Variants in FMNL2 observed in about 807,000 individuals in gnomAD.
FMNL2 encodes formin-like protein 2.
In FMNL2, 51 loss-of-function variants were observed where a neutral mutation model predicts 130.2. The observed-to-expected ratio is 0.39, with a 90% CI of 0.31 to 0.49. The LOEUF (loss-of-function observed/expected upper bound fraction) is 0.49. Ranked by LOEUF, FMNL2 falls within the 20% of genes least tolerant of loss-of-function variation. The probability of loss-of-function intolerance (pLI) is 0.85; values close to 1 mark genes in which losing one functional copy is unlikely to be tolerated. For synonymous variants in FMNL2, 465 were observed against 467.1 expected, an observed-to-expected ratio of 1.00 and a Z score of 0.06; for missense variants, 977 against 1,316.2, an observed-to-expected ratio of 0.74 and a Z score of 3.99.
chr2:152,361,430 A>C (rs1205318883), intron 1 of FMNL2, among the ~76,000 whole-genome samples: 1 of 152,018 alleles, frequency 6.6e-6, no homozygotes, highest in Non-Finnish European at 1.5e-5. Context: ...ATACTCTTTC[A>C]CCTTGCTAAT....
chr2:152,643,642 T>G, intron 25 of FMNL2: 7 of 1,473,418 alleles, frequency 4.8e-6, no homozygotes, highest in Non-Finnish European at 6.3e-6. Context: ...TCATGTTATA[T>G]TTTGTGTTGT....
chr2:152,402,729 A>G (rs977069006), intron 1 of FMNL2, among the ~76,000 whole-genome samples: 1 of 152,230 alleles, frequency 6.6e-6, no homozygotes, highest in Admixed American at 6.5e-5. Flanking sequence ...AAATGAGGCT[A>G]TAATACAGAG....
rs75425753 is a variant in FMNL2, at chr2:152,648,228, A to G, written c.*323A>G. On this transcript the variant is annotated 3_prime_UTR_variant, in exon 26 of 26. Transcript: ENST00000288670. ...TACCTGCCATTGTGATTGTCCCATC[A>G]TGGCCCACCTGGTTTCCTGATGTTG... 2,065 of 236,378 alleles carry G rather than the reference A, an allele frequency of 8.7e-3. 44 individuals carry two copies. Among genetic ancestry groups the G allele is most frequent in the African/African-American group, 0.043 (1,889 of 44,278 alleles). The allele number at this position is 236,378 out of a possible 1,614,324, so 14.6% of individuals were successfully genotyped here. A position where few individuals can be genotyped will look rare whatever the true frequency, so the allele number is the denominator to read the frequency against.
At chr2:152,435,643 GAGA>G (rs1184098539) in intron 1 of FMNL2, among the ~76,000 whole-genome samples, 1 of 151,638 alleles carries the variant, frequency 6.6e-6, no homozygotes, top group Non-Finnish European at 1.5e-5. Flanking sequence ...AAAAAGAGAT[GAGA>G]AGGTCTCTAG....
chr2:152,385,074 T>G (rs944328880), intron 1 of FMNL2, among the ~76,000 whole-genome samples: 1 of 152,244 alleles, frequency 6.6e-6, no homozygotes, highest in African/African-American at 2.4e-5. Context: ...AATTTTAATC[T>G]AGAGGCTCCA....
chr2:152,499,106 G>C (rs1390416501), intron 1 of FMNL2, among the ~76,000 whole-genome samples: 2 of 152,106 alleles, frequency 1.3e-5, no homozygotes, highest in Non-Finnish European at 2.9e-5. Flanking sequence ...TTTCTTCTCC[G>C]GGAGCTTGGT....
intron 9 of FMNL2, among the ~76,000 whole-genome samples, chr2:152,603,395 G>A (rs1698193265): frequency 7.7e-6 from 1 of 129,672 alleles, no homozygotes; most frequent in Non-Finnish European, 1.6e-5. Context: ...AGATATTTAA[G>A]TCTGTTTTTT....
At position 152,462,972 on chromosome 2, in the gene FMNL2, A is replaced by T. The variant is rs142603757; in HGVS notation, c.118-58971A>T. On this transcript the variant is annotated intron_variant, in intron 1 of 25. Transcript: ENST00000288670. ...GGGAAAAAATCTCATTAACAATTGG[A>T]TGTTTGTAGTCCAACAGATTCGTTA... Among the ~76,000 whole-genome samples the T allele has an allele frequency of 3.0e-4, 46 of 152,250 alleles. No homozygotes were observed. In the East Asian group the frequency reaches 8.5e-3, roughly 28 times the overall value.
intron 6 of FMNL2, among the ~76,000 whole-genome samples, chr2:152,574,476 G>C (rs569472131): frequency 6.7e-6 from 1 of 149,820 alleles, no homozygotes; most frequent in Admixed American, 6.7e-5. Flanking sequence ...GATGTGTAAG[G>C]TTTGTCTACT....
intron 2 of FMNL2, among the ~76,000 whole-genome samples, chr2:152,540,231 T>C (rs1010988470): frequency 6.6e-5 from 10 of 152,184 alleles, no homozygotes; most frequent in Admixed American, 5.9e-4. Flanking sequence ...TCAGTTCATT[T>C]TTCTGAGCTT....
chr2:152,569,987 G>A (rs1240722842), intron 6 of FMNL2, among the ~76,000 whole-genome samples: 1 of 144,682 alleles, frequency 6.9e-6, no homozygotes, highest in Non-Finnish European at 1.5e-5. Flanking sequence ...CTCCAGCCTG[G>A]GCAACAGAGT....
In FMNL2 at chr2:152,639,945, T is replaced by C. The variant is rs373629295; in HGVS notation, c.2947-13T>C. ...CATTAACATCATCTTTCTGGTTCTT[T>C]TGATTTACCCAGCAAGCAGAAGAGG... On this transcript the variant is annotated splice_polypyrimidine_tract_variant and intron_variant, in intron 23 of 25. Transcript: ENST00000288670. The C allele has an allele frequency of 1.3e-6, 2 of 1,537,260 alleles. No individual in the cohort carries two copies. The highest frequency in any genetic ancestry group is 2.4e-5 in the East Asian group (1 of 40,996).
chr2:152,619,795 C>T, intron 15 of FMNL2, 77 bp downstream of exon 15: 4 of 1,541,022 alleles, frequency 2.6e-6, no homozygotes, highest in Non-Finnish European at 3.5e-6. Flanking sequence ...GCTATTCTTT[C>T]AAAGTCCAGG....
At chr2:152,495,196 C>G (rs10931146) in intron 1 of FMNL2, among the ~76,000 whole-genome samples, 77,503 of 151,918 alleles carry the variant, frequency 0.51, 20,847 homozygotes, top group Admixed American at 0.62. Context: ...AATATACTAA[C>G]AGGAATAACA....
intron 1 of FMNL2, among the ~76,000 whole-genome samples, chr2:152,485,175 A>C (rs1690747390): frequency 6.6e-6 from 1 of 152,144 alleles, no homozygotes; most frequent in Non-Finnish European, 1.5e-5. Context: ...GTGAGACCTG[A>C]TGTCTACAAA....
intron 15 of FMNL2, among the ~76,000 whole-genome samples, chr2:152,624,816 G>A (rs966755249): frequency 2.6e-5 from 4 of 152,208 alleles, no homozygotes; most frequent in Non-Finnish European, 5.9e-5. Flanking sequence ...CAGCCCGGGT[G>A]ACAGAGCAAG....
At chr2:152,517,452 A>G (rs954751922) in intron 1 of FMNL2, among the ~76,000 whole-genome samples, 1 of 152,146 alleles carries the variant, frequency 6.6e-6, no homozygotes, top group Admixed American at 6.5e-5. Flanking sequence ...GTCCAGTGGG[A>G]AATTTAGGTA....
At chr2:152,598,505 A>G (rs1246567776) in intron 9 of FMNL2, among the ~76,000 whole-genome samples, 1 of 152,144 alleles carries the variant, frequency 6.6e-6, no homozygotes, top group African/African-American at 2.4e-5. Context: ...CCTGGCCAAC[A>G]TGGCGAAACC....
intron 17 of FMNL2, among the ~76,000 whole-genome samples, chr2:152,627,357 C>T (rs1199689497): frequency 6.6e-6 from 1 of 152,186 alleles, no homozygotes; most frequent in Non-Finnish European, 1.5e-5. Flanking sequence ...AAGAATCCTT[C>T]TATTCTTCTT....
Sources: allele counts gnomAD v4.1 joint callset (sites outside exome capture counted in the v4.1 genomes callset), GRCh38; gene constraint gnomAD v4.1.1; transcripts MANE v1.5; gene names NCBI Gene and HGNC (gene_info 2026-07-23, HGNC 2026-07-21).